TGFBR3: variants seen among roughly 807,000 people sequenced by gnomAD.
TGFBR3 encodes transforming growth factor beta receptor 3.
TGFBR3 carries 46 observed loss-of-function variants against 87.9 expected under a neutral mutation model. The ratio of observed to expected loss-of-function variants is 0.52; its 90% CI spans 0.41 to 0.67. The LOEUF is 0.67. TGFBR3 is among the 30% of genes least tolerant of loss of function. TGFBR3 has a pLI of 0.00. For synonymous variants in TGFBR3, 381 were observed against 391.6 expected, an observed-to-expected ratio of 0.97 and a Z score of 0.32; for missense variants, 866 against 1,041.9, an observed-to-expected ratio of 0.83 and a Z score of 2.32.
intron 1 of TGFBR3, among the ~76,000 whole-genome samples, chr1:91,901,188 T>G (rs1679712133): frequency 6.6e-6 from 1 of 152,250 alleles, no homozygotes; most frequent in Non-Finnish European, 1.5e-5. Flanking sequence ...TTTGTTTGTT[T>G]TTAAAATAAT....
intron 3 of TGFBR3, among the ~76,000 whole-genome samples, chr1:91,774,014 T>C (rs1674476655): frequency 6.6e-6 from 1 of 152,214 alleles, no homozygotes; most frequent in African/African-American, 2.4e-5. Context: ...AAACAAATAA[T>C]GAAATACTCA....
chr1:91,823,885 T>C (rs1442674805), intron 2 of TGFBR3, among the ~76,000 whole-genome samples: 1 of 152,204 alleles, frequency 6.6e-6, no homozygotes, highest in African/African-American at 2.4e-5. Context: ...ATCCCAAAAC[T>C]TTGGGAGGCC....
intron 12 of TGFBR3, among the ~76,000 whole-genome samples, chr1:91,715,029 T>C (rs950440863): frequency 5.3e-5 from 8 of 152,184 alleles, no homozygotes; most frequent in Admixed American, 3.3e-4. Flanking sequence ...TTTTAACATA[T>C]GGAAGTACCC....
intron 3 of TGFBR3, among the ~76,000 whole-genome samples, chr1:91,772,561 G>A (rs1054593637): frequency 8.5e-5 from 13 of 152,244 alleles, no homozygotes; most frequent in Middle Eastern, 6.8e-3. Context: ...ACTGAGCTAG[G>A]AGCCTTGAGC....
At chr1:91,787,945 A>G (rs951782474) in intron 3 of TGFBR3, among the ~76,000 whole-genome samples, 1 of 131,946 alleles carries the variant, frequency 7.6e-6, no homozygotes, top group African/African-American at 2.9e-5. Context: ...CTCACGGGGA[A>G]AAAAAAAAAA....
At chr1:91,731,562 C>A (rs1672772604) in intron 5 of TGFBR3, among the ~76,000 whole-genome samples, 1 of 152,202 alleles carries the variant, frequency 6.6e-6, no homozygotes, top group South Asian at 2.1e-4. Context: ...CACCGTGCAG[C>A]TGCAGCCCTG....
intron 7 of TGFBR3, among the ~76,000 whole-genome samples, chr1:91,722,794 G>A (rs1237676916): frequency 6.6e-6 from 1 of 152,178 alleles, no homozygotes; most frequent in Non-Finnish European, 1.5e-5. Flanking sequence ...GCATGTTACT[G>A]CACTGAATAC....
intron 1 of TGFBR3, among the ~76,000 whole-genome samples, chr1:91,901,468 G>A (rs1679717629): frequency 6.6e-6 from 1 of 152,110 alleles, no homozygotes; most frequent in African/African-American, 2.4e-5. Flanking sequence ...AAGCTGACAA[G>A]GATTTACATC....
Position 91,681,062 on chromosome 1 carries a change from T to G in TGFBR3, c.*2677A>C. 1 of 454,058 alleles carries G rather than the reference T, an allele frequency of 2.2e-6. No homozygotes were observed. The highest frequency in any genetic ancestry group is 2.0e-5 in the African/African-American group (1 of 50,104). The allele number at this position is 454,058 out of a possible 1,614,324, so 28.1% of individuals were successfully genotyped here. A position where few individuals can be genotyped will look rare whatever the true frequency, so the allele number is the denominator to read the frequency against. On this transcript the variant is annotated 3_prime_UTR_variant, in exon 17 of 17. Transcript: ENST00000212355. ...AAACAACAAAATGGCCTCTGCAAAT[T>G]AAGGGTGTAGCCTGCAGAAATAACA...
At chr1:91,800,255 TACAC>T (rs67343577) in intron 2 of TGFBR3, among the ~76,000 whole-genome samples, 3,644 of 89,042 alleles carry the variant, frequency 0.041, 74 homozygotes, top group African/African-American at 0.05. Context: ...TATATATATA[TACAC>T]ACACACACAC....
chr1:91,823,774 G>C (rs1676536899), intron 2 of TGFBR3, among the ~76,000 whole-genome samples: 1 of 152,232 alleles, frequency 6.6e-6, no homozygotes, highest in South Asian at 2.1e-4. Flanking sequence ...TCTGTATCTT[G>C]ATTGCAGTGG....
At chr1:91,874,011 C>G (rs144108137) in intron 1 of TGFBR3, among the ~76,000 whole-genome samples, 168 of 151,994 alleles carry the variant, frequency 1.1e-3, no homozygotes, top group African/African-American at 3.9e-3. Flanking sequence ...TTATCAAGTG[C>G]CTGCTTCATG....
In TGFBR3 at chr1:91,721,533, T is replaced by G. The variant is rs139021602; in HGVS notation, c.1075+422A>C. ...CCCTCTGCTTTCCACCCCATTCAGC[T>G]GGGGTAGTAACTCCTGCCATCCTCT... On this transcript the variant is annotated intron_variant, in intron 8 of 16. Transcript: ENST00000212355. 4.3e-3 allele frequency among the ~76,000 whole-genome samples: 658 copies of G among 152,288 alleles called. 4 individuals are homozygous for G. The highest frequency in any genetic ancestry group is 0.015 in the African/African-American group (621 of 41,554).
intron 2 of TGFBR3, among the ~76,000 whole-genome samples, chr1:91,832,192 A>G (rs919362849): frequency 6.6e-6 from 1 of 152,174 alleles, no homozygotes; most frequent in Non-Finnish European, 1.5e-5. Context: ...TCCATCATTA[A>G]CCAATAATTA....
chr1:91,785,145 T>TA (rs1674910155), intron 3 of TGFBR3, among the ~76,000 whole-genome samples: 1 of 152,106 alleles, frequency 6.6e-6, no homozygotes. Flanking sequence ...TACCCAGGAA[T>TA]AAAAAGGAAT....
intron 15 of TGFBR3, among the ~76,000 whole-genome samples, chr1:91,696,598 A>G (rs1571415178): frequency 6.6e-6 from 1 of 152,320 alleles, no homozygotes; most frequent in East Asian, 1.9e-4. Flanking sequence ...CTTTCATTTA[A>G]GAGAACTACC....
At chr1:91,693,535 C>T (rs1400726466) in intron 16 of TGFBR3, among the ~76,000 whole-genome samples, 1 of 152,154 alleles carries the variant, frequency 6.6e-6, no homozygotes, top group Non-Finnish European at 1.5e-5. Flanking sequence ...GGTTTGTGTG[C>T]TTGGCTGTGG....
At chr1:91,845,956 TTTAG>T (rs1163407874) in intron 2 of TGFBR3, among the ~76,000 whole-genome samples, 1 of 152,244 alleles carries the variant, frequency 6.6e-6, no homozygotes, top group African/African-American at 2.4e-5. Context: ...GAAGAATTTA[TTTAG>T]TTAATGAAAG....
In TGFBR3 at chr1:91,716,217, GCTAA is replaced by G; in HGVS notation, c.1866+15_1866+18del. On this transcript the variant is annotated intron_variant, in intron 12 of 16. Coordinates refer to ENST00000212355, the MANE Select transcript of TGFBR3 (RefSeq NM_003243.5). ...CCCAGCACTAACCTAAAAGGTCAAG[GCTAA>G]CTTTCAGGTCTCACCTCAACATAAA... The G allele has an allele frequency of 6.2e-7, 1 of 1,613,876 alleles. No homozygotes were observed.
Sources: allele counts gnomAD v4.1 joint callset (sites outside exome capture counted in the v4.1 genomes callset), GRCh38; gene constraint gnomAD v4.1.1; transcripts MANE v1.5; gene names NCBI Gene and HGNC (gene_info 2026-07-23, HGNC 2026-07-21).